The following CXADR variants were observed in gnomAD, a reference collection of about 807,000 sequenced individuals.
CXADR encodes coxsackievirus and adenovirus receptor.
Under a neutral mutation model 40.3 loss-of-function variants are expected in CXADR, and 20 were observed. The ratio of observed to expected loss-of-function variants is 0.50; its 90% CI spans 0.35 to 0.72. The LOEUF (loss-of-function observed/expected upper bound fraction) is 0.72. Among genes scored for constraint, CXADR ranks in the 30% least tolerant of loss-of-function variants. The pLI is 0.01. For synonymous variants in CXADR, 150 were observed against 161.3 expected (o/e 0.93, Z 0.53); for missense variants, 332 against 449.1 (o/e 0.74, Z 2.36).
chr21:17,519,007 C>T, intron 1 of CXADR: 4 of 1,599,654 alleles, frequency 2.5e-6, no homozygotes, highest in Non-Finnish European at 3.4e-6. Context: ...GTTGGTAAAT[C>T]TGAAGCAGGG....
the CXADR span, among the ~76,000 whole-genome samples, chr21:17,635,423 A>G: frequency 1.3e-5 from 2 of 152,212 alleles, no homozygotes; most frequent in Non-Finnish European, 2.9e-5. Context: ...TAATTTAGTT[A>G]GTAAATTAGA....
At chr21:17,561,139 A>G (rs2061113588) in intron 5 of CXADR, among the ~76,000 whole-genome samples, 199 bp from the exon 6 acceptor site, 1 of 152,226 alleles carries the variant, frequency 6.6e-6, no homozygotes. Context: ...GACAGGTTTT[A>G]TCATTTTAAT....
intron 7 of CXADR, among the ~76,000 whole-genome samples, chr21:17,575,798 T>A (rs1781918578): frequency 6.7e-6 from 1 of 149,164 alleles, no homozygotes; most frequent in South Asian, 2.1e-4. Flanking sequence ...TAAAAAAAAA[T>A]GATTTTAGGC....
chr21:17,629,563 CAAACA>C, the CXADR span, among the ~76,000 whole-genome samples: 6 of 151,844 alleles, frequency 4.0e-5, no homozygotes, highest in Admixed American at 1.3e-4. Context: ...GACCCTGTCT[CAAACA>C]AAACAAAACA....
intron 1 of CXADR, among the ~76,000 whole-genome samples, chr21:17,544,405 C>T (rs974849731): frequency 7.2e-5 from 11 of 152,144 alleles, no homozygotes; most frequent in African/African-American, 2.7e-4. Flanking sequence ...TCAATATTTG[C>T]TGTATAACAA....
chr21:17,518,401 A>G (rs2060487911), intron 1 of CXADR: 2 of 550,814 alleles, frequency 3.6e-6, no homozygotes, highest in South Asian at 4.7e-5. Flanking sequence ...GAACAGCATT[A>G]TTAATATACA....
At chr21:17,589,063 A>T (rs571257624) in intron 7 of CXADR, among the ~76,000 whole-genome samples, 1 of 151,684 alleles carries the variant, frequency 6.6e-6, no homozygotes, top group South Asian at 2.1e-4. Flanking sequence ...TCTTTTTTGC[A>T]TCCCTCTACT....
chr21:17,530,002 G>A (rs1166323154), intron 1 of CXADR, among the ~76,000 whole-genome samples: 1 of 150,224 alleles, frequency 6.7e-6, no homozygotes, highest in Admixed American at 6.6e-5. Flanking sequence ...ATGCTGGAGT[G>A]TAGTGGCTTG....
intron 1 of CXADR, among the ~76,000 whole-genome samples, chr21:17,546,748 A>G (rs576953493): frequency 1.4e-4 from 21 of 152,344 alleles, no homozygotes; most frequent in African/African-American, 4.6e-4. Flanking sequence ...GCTTGCATAT[A>G]GAAACCTTCT....
downstream of CXADR, among the ~76,000 whole-genome samples, chr21:17,573,033 T>A (rs2061291404): frequency 6.6e-6 from 1 of 152,170 alleles, no homozygotes; most frequent in African/African-American, 2.4e-5. Flanking sequence ...GTTATAGTTC[T>A]GGAGGTGGAA....
the CXADR span, among the ~76,000 whole-genome samples, chr21:17,601,887 C>CT: frequency 6.6e-6 from 1 of 152,170 alleles, no homozygotes; most frequent in Non-Finnish European, 1.5e-5. Context: ...ACTCAGATTT[C>CT]TTTGACACCT....
intron 3 of CXADR, among the ~76,000 whole-genome samples, chr21:17,558,571 C>T (rs1347621728): frequency 6.6e-6 from 1 of 152,060 alleles, no homozygotes; most frequent in African/African-American, 2.4e-5. Flanking sequence ...AGGGATGTGA[C>T]TTGGTACATA....
intron 3 of CXADR, among the ~76,000 whole-genome samples, chr21:17,556,704 G>A (rs192367943): frequency 2.0e-5 from 3 of 152,124 alleles, no homozygotes; most frequent in African/African-American, 7.2e-5. Context: ...CAGAGCACCT[G>A]GTCAGATTGA....
chr21:17,573,263 G>A (rs935512607), downstream of CXADR, among the ~76,000 whole-genome samples: 11 of 152,138 alleles, frequency 7.2e-5, no homozygotes, highest in Non-Finnish European at 1.5e-4. Flanking sequence ...TGCGTCTGTA[G>A]CAAATCTGTT....
chr21:17,540,122 G>A (rs1445070457), intron 1 of CXADR, among the ~76,000 whole-genome samples: 5 of 152,100 alleles, frequency 3.3e-5, no homozygotes, highest in Admixed American at 6.6e-5. Context: ...CTATCCTCAC[G>A]TGGCAGAGAG....
the CXADR span, among the ~76,000 whole-genome samples, chr21:17,624,694 G>A: frequency 1.1e-4 from 17 of 152,246 alleles, no homozygotes; most frequent in African/African-American, 3.9e-4. Flanking sequence ...GCCACATAAT[G>A]TAACAAATTG....
chr21:17,603,291 C>A, the CXADR span, among the ~76,000 whole-genome samples: 1 of 152,174 alleles, frequency 6.6e-6, no homozygotes, highest in South Asian at 2.1e-4. Context: ...GTCCCAGAAT[C>A]TAAAAATGTT....
rs77255360 is a variant in CXADR, at chr21:17,543,411, A to G, written c.44-3616A>G. On this transcript the variant is annotated intron_variant, in intron 1 of 6. Coordinates refer to ENST00000284878, the MANE Select transcript of CXADR (RefSeq NM_001338.5). ...ATGAATTTGGGGGATTTCAACTTTT[A>G]CAAATGTAGGTGTCTAATTGAAGTT... Among the ~76,000 whole-genome samples, 1,253 of 152,322 alleles carry G rather than the reference A, an allele frequency of 8.2e-3. 67 individuals are homozygous for G. In the East Asian group the frequency reaches 0.15, roughly 19 times the overall value.
At chr21:17,520,057 C>A in intron 1 of CXADR, among the ~76,000 whole-genome samples, 1 of 152,052 alleles carries the variant, frequency 6.6e-6, no homozygotes, top group East Asian at 1.9e-4. Context: ...CCCACCTCTG[C>A]TTTGGATCCT....
Sources: allele counts gnomAD v4.1 joint callset (sites outside exome capture counted in the v4.1 genomes callset), GRCh38; gene constraint gnomAD v4.1.1; transcripts MANE v1.5; gene names NCBI Gene and HGNC (gene_info 2026-07-23, HGNC 2026-07-21).